The following CNTNAP2 variants were observed in gnomAD, a reference collection of about 807,000 sequenced individuals.
The protein encoded by CNTNAP2 is contactin associated protein 2.
Under a neutral mutation model 155.2 loss-of-function variants are expected in CNTNAP2, and 98 were observed. The ratio of observed to expected loss-of-function variants is 0.63; its 90% CI spans 0.54 to 0.75. The LOEUF (loss-of-function observed/expected upper bound fraction) is 0.75, where lower values mean the gene tolerates loss of function less well. Ranked by LOEUF, CNTNAP2 falls within the 30% of genes least tolerant of loss-of-function variation. CNTNAP2 has a pLI of 0.00. For missense variants in CNTNAP2, 1,727 were observed against 1,688.1 expected (o/e 1.02, Z -0.40); for synonymous variants, 651 against 631.2 (o/e 1.03, Z -0.47).
chr7:148,117,115 TG>T (rs1234649650), intron 15 of CNTNAP2, among the ~76,000 whole-genome samples: 10 of 152,218 alleles, frequency 6.6e-5, no homozygotes, highest in Non-Finnish European at 1.2e-4. Flanking sequence ...TAACGCAGTT[TG>T]GTGTTTTTAT....
chr7:147,430,052 T>C (rs1252958511), intron 10 of CNTNAP2, among the ~76,000 whole-genome samples: 1 of 152,190 alleles, frequency 6.6e-6, no homozygotes, highest in African/African-American at 2.4e-5. Context: ...GGGTCTTTTT[T>C]GGTTTCATAT....
chr7:147,404,089 C>T (rs1389749076), intron 10 of CNTNAP2, among the ~76,000 whole-genome samples: 1 of 152,144 alleles, frequency 6.6e-6, no homozygotes, highest in Non-Finnish European at 1.5e-5. Flanking sequence ...TTTCATTACG[C>T]ATACTGTAGG....
At chr7:147,865,784 A>C (rs6464844) in intron 13 of CNTNAP2, among the ~76,000 whole-genome samples, 107,854 of 152,014 alleles carry the variant, frequency 0.71, 38,451 homozygotes, top group Middle Eastern at 0.81. Flanking sequence ...TCCCCTTTAT[A>C]ATTTTTTATT....
At chr7:148,317,841 C>T (rs952072737) in intron 21 of CNTNAP2, among the ~76,000 whole-genome samples, 2 of 152,166 alleles carry the variant, frequency 1.3e-5, no homozygotes, top group Non-Finnish European at 2.9e-5. Context: ...GCTGGAACTA[C>T]AGGCACCACG....
chr7:146,934,833 G>A (rs1263483214), intron 3 of CNTNAP2, among the ~76,000 whole-genome samples: 1 of 152,140 alleles, frequency 6.6e-6, no homozygotes, highest in Non-Finnish European at 1.5e-5. Flanking sequence ...GATAAGGATA[G>A]ACACTGTGAC....
At chr7:147,942,828 G>A (rs147320765) in intron 14 of CNTNAP2, among the ~76,000 whole-genome samples, 323 of 152,184 alleles carry the variant, frequency 2.1e-3, no homozygotes, top group African/African-American at 7.5e-3. Flanking sequence ...ACGAGGTCAG[G>A]AGATCGAGAC....
chr7:147,722,100 T>C (rs1252529464), intron 13 of CNTNAP2, among the ~76,000 whole-genome samples: 1 of 152,194 alleles, frequency 6.6e-6, no homozygotes, highest in Admixed American at 6.5e-5. Context: ...TAGCTGTTTC[T>C]ATCTAAAGAA....
At chr7:146,412,880 T>G (rs1458157988) in intron 1 of CNTNAP2, among the ~76,000 whole-genome samples, 3 of 152,220 alleles carry the variant, frequency 2.0e-5, no homozygotes, top group African/African-American at 7.2e-5. Context: ...AATCCTGGGA[T>G]GACTGCTTCC....
At chr7:147,160,049 G>T (rs551326240) in intron 8 of CNTNAP2, among the ~76,000 whole-genome samples, 3 of 152,016 alleles carry the variant, frequency 2.0e-5, no homozygotes, top group Admixed American at 1.3e-4. Flanking sequence ...TAAAAGGTTT[G>T]CTTGGATAAG....
At chr7:147,150,421 G>T (rs986999404) in intron 8 of CNTNAP2, among the ~76,000 whole-genome samples, 13 of 152,046 alleles carry the variant, frequency 8.6e-5, no homozygotes, top group South Asian at 2.1e-4. Context: ...ATGTAGAGTA[G>T]AGTATAGTTC....
At chr7:147,330,724 A>G (rs1584878496) in intron 9 of CNTNAP2, among the ~76,000 whole-genome samples, 1 of 152,250 alleles carries the variant, frequency 6.6e-6, no homozygotes, top group East Asian at 1.9e-4. Context: ...CAAGTCAGTG[A>G]TCCTGTTCAT....
intron 1 of CNTNAP2, among the ~76,000 whole-genome samples, chr7:146,303,408 T>G (rs1007967378): frequency 6.6e-6 from 1 of 152,016 alleles, no homozygotes; most frequent in Admixed American, 6.6e-5. Context: ...TTTTTAATTA[T>G]TGTAGTAAGC....
intron 1 of CNTNAP2, among the ~76,000 whole-genome samples, chr7:146,321,485 T>C (rs1801000396): frequency 6.6e-6 from 1 of 152,004 alleles, no homozygotes. Flanking sequence ...GCTTGCACCT[T>C]CCTCCACACT....
intron 3 of CNTNAP2, among the ~76,000 whole-genome samples, chr7:146,969,384 T>C (rs1232354267): frequency 1.3e-5 from 2 of 152,106 alleles, no homozygotes; most frequent in Admixed American, 6.6e-5. Context: ...TTCTGTCTTG[T>C]TGATCTGTCT....
intron 1 of CNTNAP2, among the ~76,000 whole-genome samples, chr7:146,125,060 A>G (rs545675226): frequency 7.2e-5 from 11 of 152,326 alleles, no homozygotes; most frequent in African/African-American, 2.6e-4. Context: ...TCCCTAAAGA[A>G]TATGTTAAAA....
In CNTNAP2 at chr7:146,249,434, CAG is replaced by C. The variant is rs142040375; in HGVS notation, c.97+132463_97+132464del. 4.4e-3 allele frequency among the ~76,000 whole-genome samples: 646 copies of C among 148,186 alleles called. 2 individuals are homozygous for C. Among genetic ancestry groups the C allele is most frequent in the Middle Eastern group, 6.8e-3 (2 of 292 alleles). On this transcript the variant is annotated intron_variant, in intron 1 of 23. Transcript: ENST00000361727. ...TTTCCTCTTCCTGTAATAGTAGTCT[CAG>C]AACACGTGACTGTCACTTGTGTGTC...
chr7:146,981,667 T>A (rs1268415340), intron 3 of CNTNAP2, among the ~76,000 whole-genome samples: 1 of 152,208 alleles, frequency 6.6e-6, no homozygotes, highest in Admixed American at 6.6e-5. Context: ...TTTAAAGTTA[T>A]TTCAGAAGAG....
At chr7:147,043,296 G>A (rs1467947959) in intron 3 of CNTNAP2, among the ~76,000 whole-genome samples, 1 of 151,990 alleles carries the variant, frequency 6.6e-6, no homozygotes, top group Non-Finnish European at 1.5e-5. Context: ...AAAAGACAAT[G>A]TGAACTTTCA....
chr7:146,158,507 C>T (rs370742540), intron 1 of CNTNAP2, among the ~76,000 whole-genome samples: 15 of 152,080 alleles, frequency 9.9e-5, no homozygotes, highest in Non-Finnish European at 1.5e-4. Context: ...AAAGATTAAA[C>T]GAATGGCTAA....
Sources: allele counts gnomAD v4.1 joint callset (sites outside exome capture counted in the v4.1 genomes callset), GRCh38; gene constraint gnomAD v4.1.1; transcripts MANE v1.5; gene names NCBI Gene and HGNC (gene_info 2026-07-23, HGNC 2026-07-21).